Variants in FKRP observed in about 807,000 individuals in gnomAD.
FKRP encodes fukutin related protein.
FKRP carries 25 observed loss-of-function variants against 30.6 expected under a neutral mutation model. The observed-to-expected ratio is 0.82, with a 90% CI of 0.60 to 1.14. The LOEUF is 1.14. Among genes scored for constraint, FKRP ranks in the 50% most tolerant of loss-of-function variants. The pLI, the probability that FKRP is intolerant of heterozygous loss-of-function variation, is 0.00. For missense variants in FKRP, 771 were observed against 727.8 expected (o/e 1.06, Z -0.68); for synonymous variants, 358 against 342.5 (o/e 1.05, Z -0.50).
chr19:46,755,788 C>T lies in FKRP; in HGVS notation c.338C>T (p.Ala113Val). ...LLQPALDRPA[A>V]ASRPETYVAT... ...CAGCCCGCCCTGGACCGGCCAGCCG[C>T]AGCCTCGCGCCCGGAGACCTACGTG... The change falls in exon 4 of 4, where the codon GCA becomes GTA. Residue 113 changes from alanine to valine, a missense_variant. By Grantham distance (64) the Ala-to-Val change is moderately conservative. Coordinates refer to ENST00000318584, the MANE Select transcript of FKRP (RefSeq NM_024301.5). The T allele has an allele frequency of 6.6e-7, 1 of 1,522,190 alleles. No homozygotes were observed. Among genetic ancestry groups the T allele is most frequent in the Non-Finnish European group, 8.8e-7 (1 of 1,138,012 alleles). The allele number at this position is 1,522,190 out of a possible 1,614,324, so 94.3% of individuals were successfully genotyped here. A position where few individuals can be genotyped will look rare whatever the true frequency, so the allele number is the denominator to read the frequency against.
At chr19:46,750,605 A>G (rs1390813673) in intron 3 of FKRP, among the ~76,000 whole-genome samples, 1 of 152,138 alleles carries the variant, frequency 6.6e-6, no homozygotes, top group Non-Finnish European at 1.5e-5. Flanking sequence ...AGCTCACTGC[A>G]GCCTCCACCT....
In FKRP at chr19:46,756,855, C is replaced by T. The variant is rs143129484; in HGVS notation, c.1405C>T (p.Leu469=). The T allele has an allele frequency of 2.1e-4, 338 of 1,608,972 alleles. No homozygotes were observed. Among genetic ancestry groups the T allele is most frequent in the Admixed American group, 2.7e-4 (16 of 59,342 alleles). The change falls in exon 4 of 4, where the codon CTG becomes TTG. Residue 469 remains leucine (L), a synonymous_variant. Coordinates refer to ENST00000318584, the MANE Select transcript of FKRP (RefSeq NM_024301.5). This position sits in a 1 kb window ranked among gnomAD's most constrained non-coding sequence, Gnocchi z 6.6. The stretch of plus-strand genomic sequence containing the variant: ...GGCGCCTAACAACTACCGCCGCTTC[C>T]TGGAGCTCAAGTTCGGGCCCGGGGT... ...AQAPNNYRRF[L]ELKFGPGVIE...
At position 46,758,009 on chromosome 19, in the gene FKRP, C is replaced by T. The variant is rs1375780588; in HGVS notation, c.*1071C>T. On this transcript the variant is annotated 3_prime_UTR_variant, in exon 4 of 4. Transcript: ENST00000318584. Reference sequence around the variant, plus strand: ...TGCACCTAATTCCCCACTTGCACGGCAGTGTAGACAATAACCATAGCTCAC... The same window carrying T: ...TGCACCTAATTCCCCACTTGCACGGTAGTGTAGACAATAACCATAGCTCAC... 7 of 167,182 alleles carry T rather than the reference C, an allele frequency of 4.2e-5. No homozygotes were observed. The allele number at this position is 167,182 out of a possible 1,614,324, so 10.4% of individuals were successfully genotyped here.
chr19:46,753,112 G>C (rs2054825546), intron 3 of FKRP, among the ~76,000 whole-genome samples: 1 of 150,442 alleles, frequency 6.6e-6, no homozygotes, highest in African/African-American at 2.5e-5. Context: ...GTTGCAGTGA[G>C]CCAGTCGCAC....
chr19:46,752,428 G>A (rs976095045), intron 3 of FKRP, among the ~76,000 whole-genome samples: 3 of 152,182 alleles, frequency 2.0e-5, no homozygotes, highest in Admixed American at 6.5e-5. Flanking sequence ...GGGCAGGAAT[G>A]TTGTCTGTCT....
In FKRP at chr19:46,748,066, T is replaced by TC. The variant is rs1216901138; in HGVS notation, c.-208dup. ...TGGGCTGGAACTGCCCTCCTGGAAC[T>TC]CCCCCAGCCTACAACCTAGGAGGTA... On this transcript the variant is annotated 5_prime_UTR_variant, in exon 2 of 4. The change abolishes the stop of an existing upstream ORF in the 5' untranslated region. Coordinates refer to ENST00000318584, the MANE Select transcript of FKRP (RefSeq NM_024301.5). 2.0e-5 allele frequency: 3 copies of TC among 152,214 alleles called. No individual in the cohort carries two copies. The allele number at this position is 152,214 out of a possible 1,614,324, so 9.4% of individuals were successfully genotyped here.
In FKRP at chr19:46,757,386, A is replaced by T. The variant is rs1482123554; in HGVS notation, c.*448A>T. The stretch of plus-strand genomic sequence containing the variant: ...TCAAATCCTGGCTCTATCGCTTCGG[A>T]GCCAGGTGGGCCTGGGGGGGCGTCG... On this transcript the variant is annotated 3_prime_UTR_variant, in exon 4 of 4. Coordinates refer to ENST00000318584, the MANE Select transcript of FKRP (RefSeq NM_024301.5). 1.5e-5 allele frequency: 3 copies of T among 197,656 alleles called. No homozygotes were observed. In the East Asian group the frequency reaches 4.1e-4, roughly 27 times the overall value. 12.2% of individuals were successfully genotyped at this position (197,656 alleles called of 1,614,324 possible). A position where few individuals can be genotyped will look rare whatever the true frequency, so the allele number is the denominator to read the frequency against.
intron 3 of FKRP, among the ~76,000 whole-genome samples, chr19:46,750,892 C>T (rs2054778404): frequency 6.6e-6 from 1 of 152,108 alleles, no homozygotes; most frequent in Non-Finnish European, 1.5e-5. Flanking sequence ...TGAGCACCTG[C>T]TATGCACCAA....
intron 3 of FKRP, among the ~76,000 whole-genome samples, chr19:46,753,279 A>G (rs1349672751): frequency 7.5e-6 from 1 of 133,138 alleles, no homozygotes; most frequent in Non-Finnish European, 1.6e-5. Flanking sequence ...CAGCCTGACC[A>G]ACATCCCGTC....
chr19:46,747,320 T>C (rs2054667823), intron 1 of FKRP: 1 of 151,566 alleles, frequency 6.6e-6, no homozygotes, highest in African/African-American at 2.4e-5. Flanking sequence ...GTTCAAGGCC[T>C]GGTTACTATG....
rs1202383253 is a variant in FKRP at position 46,746,378 on chromosome 19, C to T, written c.-253+288C>T. 6 of 1,121,940 alleles carry T rather than the reference C, an allele frequency of 5.3e-6. No homozygotes were observed. The East Asian group carries it at 1.9e-4, about 35-fold the overall frequency. The allele number at this position is 1,121,940 out of a possible 1,614,324, so 69.5% of individuals were successfully genotyped here. A position where few individuals can be genotyped will look rare whatever the true frequency, so the allele number is the denominator to read the frequency against. ...AGGGCCCGCGCCTGAGCCGAGCGGACGGCAGGAGGAGGCGGCGGCGGCGAC... is the reference window on the plus strand; with the variant it reads ...AGGGCCCGCGCCTGAGCCGAGCGGATGGCAGGAGGAGGCGGCGGCGGCGAC... On this transcript the variant is annotated intron_variant, in intron 1 of 3. Coordinates refer to ENST00000318584, the MANE Select transcript of FKRP (RefSeq NM_024301.5).
In FKRP at chr19:46,755,845, G is replaced by C. The variant is rs755588907; in HGVS notation, c.395G>C (p.Gly132Ala). The change falls in exon 4 of 4, where the codon GGG (glycine) becomes GCG (alanine). Residue 132 changes from glycine to alanine, a missense_variant. Coordinates refer to ENST00000318584, the MANE Select transcript of FKRP (RefSeq NM_024301.5). ...ATEFVALVPD[G>A]ARAEAPGLLE... ...GAGTTTGTGGCCCTAGTACCTGATG[G>C]GGCGCGGGCTGAGGCACCTGGCCTG... 8.0e-6 allele frequency: 12 copies of C among 1,491,118 alleles called. No homozygotes were observed. The highest frequency in any genetic ancestry group is 9.8e-6 in the Non-Finnish European group (11 of 1,123,370). 92.4% of individuals were successfully genotyped at this position (1,491,118 alleles called of 1,614,324 possible).
In FKRP at chr19:46,757,120, A is replaced by G. The variant is rs1199607940; in HGVS notation, c.*182A>G. ...GCAGGAGGAGAGCACCAGGACGAGG[A>G]TGGGAAGCGACCTCCAGATTTATCA... On this transcript the variant is annotated 3_prime_UTR_variant, in exon 4 of 4. Coordinates refer to ENST00000318584, the MANE Select transcript of FKRP (RefSeq NM_024301.5). 1 of 797,106 alleles carries G rather than the reference A, an allele frequency of 1.3e-6. No individual in the cohort carries two copies. Among genetic ancestry groups the G allele is most frequent in the Non-Finnish European group, 2.1e-6 (1 of 485,848 alleles). The allele number at this position is 797,106 out of a possible 1,614,324, so 49.4% of individuals were successfully genotyped here.
chr19:46,746,053 C>T, upstream of FKRP: 2 of 1,148,184 alleles, frequency 1.7e-6, no homozygotes, highest in Non-Finnish European at 2.2e-6. Context: ...GCCGTCCCGG[C>T]GGCCATTGCT....
In FKRP at chr19:46,746,496, C is replaced by CA. The variant is rs1341330426; in HGVS notation, c.-253+406_-253+407insA. 4 of 750,830 alleles carry CA rather than the reference C, an allele frequency of 5.3e-6. No homozygotes were observed. In the African/African-American group the frequency reaches 9.1e-5, roughly 17 times the overall value. The allele number at this position is 750,830 out of a possible 1,614,324, so 46.5% of individuals were successfully genotyped here. A position where few individuals can be genotyped will look rare whatever the true frequency, so the allele number is the denominator to read the frequency against. On this transcript the variant is annotated intron_variant, in intron 1 of 3. Transcript: ENST00000318584. ...GCGCCTGCGCGGCCGCGCCAACACC[C>CA]CCCCCCCTCCCCCGCCGCAACCACC...
chr19:46,755,743 A>G lies in FKRP; in HGVS notation c.293A>G (p.Asn98Ser), dbSNP rs1451492034. 1.3e-6 allele frequency: 2 copies of G among 1,559,044 alleles called. No homozygotes were observed. The highest frequency in any genetic ancestry group is 2.4e-5 in the East Asian group (1 of 41,998). Residue 98 changes from asparagine to serine, a missense_variant, in exon 4 of 4, where the codon AAC (asparagine) becomes AGC (serine). Physicochemically the swap from Asn to Ser is conservative, Grantham distance 46. Transcript: ENST00000318584. ...CCCCTGGCCCTGCCCCGCATCCCCA[A>G]CGTGCGTCTGGCGCTGCTCCAGCCC... ...YPPLALPRIPNVRLALLQPAL... is the reference protein window; with the variant it reads ...YPPLALPRIPSVRLALLQPAL...
intron 3 of FKRP, among the ~76,000 whole-genome samples, chr19:46,749,249 T>C (rs898937346): frequency 5.3e-4 from 81 of 152,008 alleles, no homozygotes; most frequent in African/African-American, 2.0e-3. Context: ...GGGCTGAGAG[T>C]TGGGGCTTCA....
At position 46,756,011 on chromosome 19, in the gene FKRP, C is replaced by G. The variant is rs771770302; in HGVS notation, c.561C>G (p.Ala187=). 1 of 1,567,632 alleles carries G rather than the reference C, an allele frequency of 6.4e-7. No homozygotes were observed. Among genetic ancestry groups the G allele is most frequent in the Admixed American group, 1.8e-5 (1 of 55,656 alleles). The change falls in exon 4 of 4, where the codon GCC becomes GCG. Residue 187 remains alanine (A), a synonymous_variant. Transcript: ENST00000318584. This position sits in a 1 kb window ranked among gnomAD's most constrained non-coding sequence, Gnocchi z 6.6. Reference sequence around the variant, plus strand: ...CCGCCCGCTATGGCGCAGCCCCCGCCGCGCCCCGCTGCGACGCCCTGGACG... The same window carrying G: ...CCGCCCGCTATGGCGCAGCCCCCGCGGCGCCCCGCTGCGACGCCCTGGACG... ...EWTARYGAAP[A]APRCDALDGD...
chr19:46,754,204 A>T (rs1004863212), intron 3 of FKRP: 2 of 151,756 alleles, frequency 1.3e-5, no homozygotes, highest in African/African-American at 4.8e-5. Flanking sequence ...ACACCCAGCT[A>T]ATTTTTTATT....
Sources: allele counts gnomAD v4.1 joint callset (sites outside exome capture counted in the v4.1 genomes callset), GRCh38; gene constraint gnomAD v4.1.1; non-coding constraint Gnocchi (gnomAD v3.1); transcripts MANE v1.5; gene names NCBI Gene and HGNC (gene_info 2026-07-23, HGNC 2026-07-21).